UBE2M: variants seen among roughly 807,000 people sequenced by gnomAD.
The protein encoded by UBE2M is NEDD8-conjugating enzyme Ubc12.
UBE2M carries 2 observed loss-of-function variants against 23.5 expected under a neutral mutation model. The ratio of observed to expected loss-of-function variants is 0.09; its 90% CI spans 0.03 to 0.27. The LOEUF (loss-of-function observed/expected upper bound fraction) is 0.27, where lower values mean the gene tolerates loss of function less well. Among genes scored for constraint, UBE2M ranks in the 10% least tolerant of loss-of-function variants. The probability of loss-of-function intolerance (pLI) is 1.00; values close to 1 mark genes in which losing one functional copy is unlikely to be tolerated. For missense variants in UBE2M, 103 were observed against 232.9 expected, an observed-to-expected ratio of 0.44 and a Z score of 3.63; for synonymous variants, 97 against 95.2, an observed-to-expected ratio of 1.02 and a Z score of -0.11.
chr19:58,556,050 A>G lies in UBE2M; in HGVS notation c.*39T>C. 6.3e-7 allele frequency: 1 copy of G among 1,585,068 alleles called. No individual in the cohort carries two copies. Among genetic ancestry groups the G allele is most frequent in the African/African-American group, 1.3e-5 (1 of 74,278 alleles). On this transcript the variant is annotated 3_prime_UTR_variant, in exon 6 of 6. Coordinates refer to ENST00000253023, the MANE Select transcript of UBE2M (RefSeq NM_003969.4). This position sits in a 1 kb window ranked among gnomAD's most constrained non-coding sequence, Gnocchi z 4.9. ...CCAATAAATATTTGCAGGGGATGCC[A>G]GGGCTTGTGGCCGTGGCGGGGGTGG... is the stretch of plus-strand genomic sequence containing the variant.
At chr19:58,557,023 C>T in intron 2 of UBE2M, 40 bp downstream of exon 2, 4 of 1,613,814 alleles carry the variant, frequency 2.5e-6, no homozygotes, top group Non-Finnish European at 3.4e-6. Flanking sequence ...TGGGGACACC[C>T]TTGGTTTGCT....
Position 58,557,218 on chromosome 19 carries a change from G to GAGCC in UBE2M, c.110-65_110-62dup, listed in dbSNP as rs2053897744. 3 of 1,356,780 alleles carry GAGCC rather than the reference G, an allele frequency of 2.2e-6. No homozygotes were observed. In the Admixed American group the frequency reaches 5.0e-5, roughly 23 times the overall value. 84.0% of individuals were successfully genotyped at this position (1,356,780 alleles called of 1,614,324 possible). ...AGGGAGGGGAAGAGAGAGAGAGAGG[G>GAGCC]AGCCAGCAGGACACTTAGGGCGGGT... On this transcript the variant is annotated intron_variant, in intron 1 of 5. Transcript: ENST00000253023.
At position 58,556,679 on chromosome 19, in the gene UBE2M, G is replaced by C; in HGVS notation, c.347+8C>G. 6.6e-7 allele frequency: 1 copy of C among 1,524,224 alleles called. No homozygotes were observed. The highest frequency in any genetic ancestry group is 1.4e-5 in the African/African-American group (1 of 71,996). 94.4% of individuals were successfully genotyped at this position (1,524,224 alleles called of 1,614,324 possible). A position where few individuals can be genotyped will look rare whatever the true frequency, so the allele number is the denominator to read the frequency against. On this transcript the variant is annotated splice_region_variant and intron_variant, in intron 4 of 5. Transcript: ENST00000253023. The surrounding 1 kb of genome is among the most constrained non-coding windows in gnomAD (Gnocchi z 4.9). ...CTGAGGAGGGCATTAGAGGGCCAGT[G>C]TCCTCACCTGAGGATGTTGAGGCAG... is the stretch of plus-strand genomic sequence containing the variant.
In UBE2M at chr19:58,555,873, C is replaced by T; in HGVS notation, c.*216G>A. On this transcript the variant is annotated 3_prime_UTR_variant, in exon 6 of 6. Transcript: ENST00000253023. ...GGGCTAGACAAGCCAATTCATTTCC[C>T]ATCGCTGAGTGGGTCGGGGGAGGCA... 1.6e-6 allele frequency: 1 copy of T among 617,446 alleles called. No individual in the cohort carries two copies. The highest frequency in any genetic ancestry group is 2.0e-5 in the South Asian group (1 of 49,428). The allele number at this position is 617,446 out of a possible 1,614,324, so 38.2% of individuals were successfully genotyped here.
Position 58,555,889 on chromosome 19 carries a change from G to C in UBE2M, c.*200C>G. 1 of 664,178 alleles carries C rather than the reference G, an allele frequency of 1.5e-6. No individual in the cohort carries two copies. The highest frequency in any genetic ancestry group is 1.8e-5 in the African/African-American group (1 of 55,014). 41.1% of individuals were successfully genotyped at this position (664,178 alleles called of 1,614,324 possible). A position where few individuals can be genotyped will look rare whatever the true frequency, so the allele number is the denominator to read the frequency against. ...TTCATTTCCCATCGCTGAGTGGGTC[G>C]GGGGAGGCAGCGCCGACCTTAATCA... On this transcript the variant is annotated 3_prime_UTR_variant, in exon 6 of 6. Coordinates refer to ENST00000253023, the MANE Select transcript of UBE2M (RefSeq NM_003969.4).
At position 58,556,758 on chromosome 19, in the gene UBE2M, C is replaced by T. The variant is rs777099204; in HGVS notation, c.276G>A (p.Lys92=). ...GATAGACCATTGTCTCACACTTCAC[C>T]TTGGGGGGATCATGCGGGTAACCCT... The part of the protein sequence containing the change: ...VGQGYPHDPP[K]VKCETMVYHP... Residue 92 remains lysine, a synonymous_variant, in exon 4 of 6, where the codon AAG becomes AAA. Coordinates refer to ENST00000253023, the MANE Select transcript of UBE2M (RefSeq NM_003969.4). The surrounding 1 kb of genome is among the most constrained non-coding windows in gnomAD (Gnocchi z 4.9). 6.3e-7 allele frequency: 1 copy of T among 1,574,936 alleles called. No homozygotes were observed.
In UBE2M at chr19:58,558,413, C is replaced by T. The variant is rs757464742; in HGVS notation, c.-32G>A. 2 of 1,209,942 alleles carry T rather than the reference C, an allele frequency of 1.7e-6. No individual in the cohort carries two copies. The highest frequency in any genetic ancestry group is 2.1e-6 in the Non-Finnish European group (2 of 949,700). 75.0% of individuals were successfully genotyped at this position (1,209,942 alleles called of 1,614,324 possible). A position where few individuals can be genotyped will look rare whatever the true frequency, so the allele number is the denominator to read the frequency against. On this transcript the variant is annotated 5_prime_UTR_variant, in exon 1 of 6. Coordinates refer to ENST00000253023, the MANE Select transcript of UBE2M (RefSeq NM_003969.4). This position sits in a 1 kb window ranked among gnomAD's most constrained non-coding sequence, Gnocchi z 4.7. ...GCCGCCGCCGCCGCTGCCGCCGCCG[C>T]GGGGCCCGGGACCCCGGCCACCCGG...
In UBE2M at chr19:58,558,342, C is replaced by G; in HGVS notation, c.40G>C (p.Glu14Gln). 6.3e-7 allele frequency: 1 copy of G among 1,595,182 alleles called. No individual in the cohort carries two copies. Residue 14 changes from glutamate (E) to glutamine (Q), a missense_variant, in exon 1 of 6, where the codon GAG becomes CAG. Physicochemically the swap from Glu to Gln is conservative, Grantham distance 29. Around this residue, in one of 3 missense-constraint regions of UBE2M, gnomAD observed 57 missense variants for 103.3 expected, o/e 0.55. Transcript: ENST00000253023. The surrounding 1 kb of genome is among the most constrained non-coding windows in gnomAD (Gnocchi z 4.7). ...CCCTTGGTGCCGCCCGCCGACTCCT[C>G]CTCCTTCTTCTGCTGCTTCAGCGAG... ...LFSLKQQKKE[E>Q]ESAGGTKGSS...
rs1485587320 is a variant in UBE2M, at chr19:58,558,495, C to T, written c.-114G>A. On this transcript the variant is annotated 5_prime_UTR_variant, in exon 1 of 6. Transcript: ENST00000253023. This position sits in a 1 kb window ranked among gnomAD's most constrained non-coding sequence, Gnocchi z 4.7. ...CTCGGACCCGCAGCTGCGGCCTCCT[C>T]CGCTGCTGCCGCCACCCGCCCGGCC... 1 of 391,952 alleles carries T rather than the reference C, an allele frequency of 2.6e-6. No individual in the cohort carries two copies. Among genetic ancestry groups the T allele is most frequent in the African/African-American group, 2.2e-5 (1 of 45,446 alleles). The allele number at this position is 391,952 out of a possible 1,614,324, so 24.3% of individuals were successfully genotyped here.
chr19:58,555,778 C>G lies in UBE2M; in HGVS notation c.*311G>C. On this transcript the variant is annotated 3_prime_UTR_variant, in exon 6 of 6. Coordinates refer to ENST00000253023, the MANE Select transcript of UBE2M (RefSeq NM_003969.4). The stretch of plus-strand genomic sequence containing the variant: ...AGGTGGAGGGGTGGGTTGCCTGGGC[C>G]CAGCTACCCAGGCCCGTTGCCCACC... 2.6e-6 allele frequency: 1 copy of G among 379,636 alleles called. No homozygotes were observed. The highest frequency in any genetic ancestry group is 4.9e-6 in the Non-Finnish European group (1 of 203,122). 23.5% of individuals were successfully genotyped at this position (379,636 alleles called of 1,614,324 possible). A position where few individuals can be genotyped will look rare whatever the true frequency, so the allele number is the denominator to read the frequency against.
rs1292273939 is a variant in UBE2M, at chr19:58,556,612, TGTA to T, written c.347+72_347+74del. 7.7e-7 allele frequency: 1 copy of T among 1,300,254 alleles called. No individual in the cohort carries two copies. The highest frequency in any genetic ancestry group is 1.1e-6 in the Non-Finnish European group (1 of 941,762). The allele number at this position is 1,300,254 out of a possible 1,614,324, so 80.5% of individuals were successfully genotyped here. On this transcript the variant is annotated intron_variant, in intron 4 of 5. Transcript: ENST00000253023. The surrounding 1 kb of genome is among the most constrained non-coding windows in gnomAD (Gnocchi z 4.9). ...AGGGGTGGGAAGGGACAGAGTCTGA[TGTA>T]GTGCCCACAAGACCATGAGGGAGGC...
chr19:58,556,521 C>G lies in UBE2M; in HGVS notation c.348-142G>C. ...AGGGAGGGTGTGGAGCAGGACAGGC[C>G]AAGGAGAAAACCAAGGTCAGGCCAT... On this transcript the variant is annotated intron_variant, in intron 4 of 5. Coordinates refer to ENST00000253023, the MANE Select transcript of UBE2M (RefSeq NM_003969.4). The surrounding 1 kb of genome is among the most constrained non-coding windows in gnomAD (Gnocchi z 4.9). 1 of 1,100,870 alleles carries G rather than the reference C, an allele frequency of 9.1e-7. No homozygotes were observed. Among genetic ancestry groups the G allele is most frequent in the Non-Finnish European group, 1.3e-6 (1 of 770,896 alleles). 68.2% of individuals were successfully genotyped at this position (1,100,870 alleles called of 1,614,324 possible). A position where few individuals can be genotyped will look rare whatever the true frequency, so the allele number is the denominator to read the frequency against.
At position 58,556,640 on chromosome 19, in the gene UBE2M, C is replaced by G. The variant is rs891346371; in HGVS notation, c.347+47G>C. 6.8e-7 allele frequency: 1 copy of G among 1,470,940 alleles called. No individual in the cohort carries two copies. Among genetic ancestry groups the G allele is most frequent in the African/African-American group, 1.4e-5 (1 of 70,718 alleles). The allele number at this position is 1,470,940 out of a possible 1,614,324, so 91.1% of individuals were successfully genotyped here. ...AGTGCCCACAAGACCATGAGGGAGGCCTGGCAGGCAGCGCTGAGGAGGGCA... is the reference window on the plus strand; with the variant it reads ...AGTGCCCACAAGACCATGAGGGAGGGCTGGCAGGCAGCGCTGAGGAGGGCA... On this transcript the variant is annotated intron_variant, in intron 4 of 5. Coordinates refer to ENST00000253023, the MANE Select transcript of UBE2M (RefSeq NM_003969.4). This position sits in a 1 kb window ranked among gnomAD's most constrained non-coding sequence, Gnocchi z 4.9.
intron 1 of UBE2M, 117 bp from the exon 2 acceptor site, chr19:58,557,274 C>A: frequency 9.6e-7 from 1 of 1,042,344 alleles, no homozygotes. Flanking sequence ...TCGTCTCCTC[C>A]TGGACCCCCA....
At position 58,556,318 on chromosome 19, in the gene UBE2M, A is replaced by G. The variant is rs900165268; in HGVS notation, c.409T>C (p.Leu137=). ...CCCAACCACCTATTCCTACTCACCA[A>G]GAAGAGATACTGCAGGCCATAAATT... The part of the protein sequence containing the change: ...SIIYGLQYLF[L]EPNPEDPLNK... The change falls in exon 5 of 6, where the codon TTG becomes CTG. Residue 137 remains leucine, a splice_region_variant and synonymous_variant. Transcript: ENST00000253023. The surrounding 1 kb of genome is among the most constrained non-coding windows in gnomAD (Gnocchi z 4.9). 2 of 1,613,990 alleles carry G rather than the reference A, an allele frequency of 1.2e-6. No homozygotes were observed. The highest frequency in any genetic ancestry group is 1.7e-5 in the Admixed American group (1 of 60,006).
In UBE2M at chr19:58,558,267, C is replaced by G; in HGVS notation, c.109+6G>C. 6.2e-7 allele frequency: 1 copy of G among 1,600,604 alleles called. No homozygotes were observed. Among genetic ancestry groups the G allele is most frequent in the Non-Finnish European group, 8.5e-7 (1 of 1,174,250 alleles). On this transcript the variant is annotated splice_donor_region_variant and intron_variant, in intron 1 of 5. Transcript: ENST00000253023. The surrounding 1 kb of genome is among the most constrained non-coding windows in gnomAD (Gnocchi z 4.7). The stretch of plus-strand genomic sequence containing the variant: ...CCGGCTCCAACCCCATCCCCTGACC[C>G]CCTACCCTTCTGGATCCGCAGCTGC...
In UBE2M at chr19:58,558,265, C is replaced by T. The variant is rs765856505; in HGVS notation, c.109+8G>A. The T allele has an allele frequency of 8.1e-6, 13 of 1,600,004 alleles. No individual in the cohort carries two copies. The highest frequency in any genetic ancestry group is 1.1e-5 in the Non-Finnish European group (13 of 1,173,948). The stretch of plus-strand genomic sequence containing the variant: ...CTCCGGCTCCAACCCCATCCCCTGA[C>T]CCCCTACCCTTCTGGATCCGCAGCT... On this transcript the variant is annotated splice_region_variant and intron_variant, in intron 1 of 5. Transcript: ENST00000253023. This position sits in a 1 kb window ranked among gnomAD's most constrained non-coding sequence, Gnocchi z 4.7.
chr19:58,558,470 C>T lies in UBE2M; in HGVS notation c.-89G>A, dbSNP rs572085601. 67 of 656,700 alleles carry T rather than the reference C, an allele frequency of 1.0e-4. No individual in the cohort carries two copies. Among genetic ancestry groups the T allele is most frequent in the Admixed American group, 9.6e-4 (15 of 15,588 alleles). The allele number at this position is 656,700 out of a possible 1,614,324, so 40.7% of individuals were successfully genotyped here. ...GCCGCCGCCCGCGTCGCCTCCGCTCCTCGGACCCGCAGCTGCGGCCTCCTC... is the reference window on the plus strand; with the variant it reads ...GCCGCCGCCCGCGTCGCCTCCGCTCTTCGGACCCGCAGCTGCGGCCTCCTC... On this transcript the variant is annotated 5_prime_UTR_variant, in exon 1 of 6. Coordinates refer to ENST00000253023, the MANE Select transcript of UBE2M (RefSeq NM_003969.4). The surrounding 1 kb of genome is among the most constrained non-coding windows in gnomAD (Gnocchi z 4.7).
intron 1 of UBE2M, among the ~76,000 whole-genome samples, chr19:58,557,977 C>A (rs1209477436): frequency 6.6e-6 from 1 of 152,092 alleles, no homozygotes; most frequent in Admixed American, 6.5e-5. Flanking sequence ...CCCCCAGACT[C>A]TCGAGTCGTC....
Sources: gnomAD v4.1 joint callset for allele counts (sites outside exome capture counted in the v4.1 genomes callset) on GRCh38, gnomAD v4.1.1 for gene constraint, gnomAD v4.1.1 regional missense constraint, Gnocchi (gnomAD v3.1) non-coding constraint, MANE v1.5 for transcripts, NCBI Gene and HGNC (gene_info 2026-07-23, HGNC 2026-07-21) for gene names.